Variants in ARFGEF1 observed in about 807,000 individuals in gnomAD.
The protein encoded by ARFGEF1 is ARF guanine nucleotide exchange factor 1, also known as brefeldin A-inhibited guanine nucleotide-exchange protein 1.
ARFGEF1 carries 42 observed loss-of-function variants against 231.0 expected under a neutral mutation model. The observed-to-expected ratio is 0.18, with a 90% confidence interval of 0.14 to 0.24. ARFGEF1 has a LOEUF of 0.24. Ranked by LOEUF, ARFGEF1 falls within the 10% of genes least tolerant of loss-of-function variation. The probability of loss-of-function intolerance (pLI) is 1.00; values close to 1 mark genes in which losing one functional copy is unlikely to be tolerated. For synonymous variants in ARFGEF1, 710 were observed against 732.3 expected (o/e 0.97, Z 0.49); for missense variants, 1,345 against 2,192.0 (o/e 0.61, Z 7.72).
intron 13 of ARFGEF1, 121 bp downstream of exon 13, chr8:67,266,755 T>C: frequency 1.6e-6 from 1 of 640,222 alleles, no homozygotes. Flanking sequence ...ACAGAGAATG[T>C]TTCCTCATCA....
chr8:67,343,088 A>AGCC, intron 1 of ARFGEF1, 76 bp downstream of exon 1: 138 of 399,034 alleles, frequency 3.5e-4, no homozygotes, highest in Non-Finnish European at 5.6e-4. Flanking sequence ...GCCCCGGGCG[A>AGCC]CCCCACCCCC....
At chr8:67,244,206 G>A (rs1351565318) in intron 19 of ARFGEF1, among the ~76,000 whole-genome samples, 2 of 119,638 alleles carry the variant, frequency 1.7e-5, no homozygotes, top group Non-Finnish European at 3.2e-5. Context: ...TCATGCCACT[G>A]CACTCCAGCC....
intron 33 of ARFGEF1, 43 bp downstream of exon 33, chr8:67,216,547 C>G (rs1281308427): frequency 6.6e-7 from 1 of 1,514,654 alleles, no homozygotes; most frequent in Non-Finnish European, 8.9e-7. Context: ...AATTACTCAT[C>G]ACAAATAACT....
chr8:67,260,009 A>C (rs766781652), intron 14 of ARFGEF1, 83 bp from the exon 15 acceptor site: 15 of 803,388 alleles, frequency 1.9e-5, no homozygotes, highest in Non-Finnish European at 3.0e-5. Flanking sequence ...TAAATTTTCT[A>C]ATAGCACCCA....
chr8:67,217,684 G>A, intron 32 of ARFGEF1, 98 bp downstream of exon 32: 3 of 1,276,490 alleles, frequency 2.4e-6, no homozygotes, highest in South Asian at 1.4e-5. Flanking sequence ...TTTCTGTTAT[G>A]AGAAATCAGT....
At chr8:67,278,504 C>T (rs569951714) in intron 7 of ARFGEF1, among the ~76,000 whole-genome samples, 11 of 152,292 alleles carry the variant, frequency 7.2e-5, no homozygotes, top group African/African-American at 2.2e-4. Context: ...TCTGGTTCCC[C>T]TACCCAGAAG....
In ARFGEF1 at chr8:67,343,770, T is replaced by C. The variant is rs1808770526; in HGVS notation, c.-483A>G. The C allele has an allele frequency of 4.0e-6, 1 of 247,766 alleles. No individual in the cohort carries two copies. Among genetic ancestry groups the C allele is most frequent in the Non-Finnish European group, 6.5e-6 (1 of 153,770 alleles). 15.3% of individuals were successfully genotyped at this position (247,766 alleles called of 1,614,324 possible). A position where few individuals can be genotyped will look rare whatever the true frequency, so the allele number is the denominator to read the frequency against. ...CCGCCGACCTGCCCCGGCCGCCATGTTGGGAGGAAACGACGCGTCACGCAG... is the reference window on the plus strand; with the variant it reads ...CCGCCGACCTGCCCCGGCCGCCATGCTGGGAGGAAACGACGCGTCACGCAG... On this transcript the variant is annotated 5_prime_UTR_variant, in exon 1 of 39. Transcript: ENST00000262215.
chr8:67,177,966 G>A (rs534199574), intron 5 of ARFGEF1, among the ~76,000 whole-genome samples: 5 of 152,266 alleles, frequency 3.3e-5, no homozygotes, highest in South Asian at 2.1e-4. Flanking sequence ...TTTTAGCTGC[G>A]TGACTTAGGG....
intron 1 of ARFGEF1, among the ~76,000 whole-genome samples, chr8:67,327,918 T>C (rs1233933358): frequency 6.6e-6 from 1 of 152,068 alleles, no homozygotes; most frequent in Non-Finnish European, 1.5e-5. Context: ...ACTACTTGAG[T>C]TATTTTCATT....
At position 67,245,765 on chromosome 8, in the gene ARFGEF1, A is replaced by G. The variant is rs1840086989; in HGVS notation, c.2851-5475T>C. ...GTCTTTATCAATAGTCACACTGAAT[A>G]TACATAGGCTAAACTCTTCAATAAA... is the stretch of plus-strand genomic sequence containing the variant. On this transcript the variant is annotated intron_variant, in intron 19 of 38. Transcript: ENST00000262215. Among the ~76,000 whole-genome samples the G allele has an allele frequency of 1.3e-5, 2 of 150,346 alleles. 1 individual carries two copies. The highest frequency in any genetic ancestry group is 1.3e-4 in the Admixed American group (2 of 15,032).
chr8:67,200,302 T>G lies in ARFGEF1; in HGVS notation c.5385+94A>C, dbSNP rs768147729. 121 of 888,990 alleles carry G rather than the reference T, an allele frequency of 1.4e-4. No homozygotes were observed. The Admixed American group carries it at 2.1e-3, about 15-fold the overall frequency. 55.1% of individuals were successfully genotyped at this position (888,990 alleles called of 1,614,324 possible). On this transcript the variant is annotated intron_variant, in intron 38 of 38. Transcript: ENST00000262215. Reference sequence around the variant, plus strand: ...TGCAGCCTGGGCACTGCTTGATTCATCTCTGAGAGCTCTTGCACGGCGGCT... The same window carrying G: ...TGCAGCCTGGGCACTGCTTGATTCAGCTCTGAGAGCTCTTGCACGGCGGCT...
intron 10 of ARFGEF1, among the ~76,000 whole-genome samples, chr8:67,271,231 A>G (rs1457991440): frequency 6.6e-6 from 1 of 152,044 alleles, no homozygotes; most frequent in African/African-American, 2.4e-5. Flanking sequence ...AGTACAAAGC[A>G]AATATTAATT....
At position 67,272,498 on chromosome 8, in the gene ARFGEF1, C is replaced by G. The variant is rs530755629; in HGVS notation, c.1338-562G>C. Among the ~76,000 whole-genome samples, 68 of 152,074 alleles carry G rather than the reference C, an allele frequency of 4.5e-4. 1 individual carries two copies. In the South Asian group the frequency reaches 8.5e-3, roughly 19 times the overall value. ...TTTTTAAAAAGAAAAAAAAAATTCA[C>G]AAATATTTAACATCAACGTATTGTT... On this transcript the variant is annotated intron_variant, in intron 9 of 38. Transcript: ENST00000262215.
downstream of ARFGEF1, chr8:67,175,441 G>A (rs772586492): frequency 6.2e-7 from 1 of 1,614,050 alleles, no homozygotes; most frequent in Non-Finnish European, 8.5e-7. Flanking sequence ...CCAAAGGTAA[G>A]AAATAATCAT....
chr8:67,195,553 G>A, downstream of ARFGEF1: 10 of 1,614,184 alleles, frequency 6.2e-6, no homozygotes, highest in Middle Eastern at 1.2e-3. Flanking sequence ...GGAAAACCAG[G>A]CACTTTCACT....
chr8:67,230,670 G>C (rs1004360170), intron 23 of ARFGEF1, among the ~76,000 whole-genome samples: 3 of 151,930 alleles, frequency 2.0e-5, no homozygotes, highest in Admixed American at 6.6e-5. Context: ...ACCATAAAGA[G>C]AAAAACTATG....
At chr8:67,267,850 C>A (rs1214151790) in intron 10 of ARFGEF1, among the ~76,000 whole-genome samples, 2 of 152,134 alleles carry the variant, frequency 1.3e-5, no homozygotes, top group African/African-American at 4.8e-5. Flanking sequence ...AGAGGCCTAA[C>A]TGTTCGTAGA....
intron 27 of ARFGEF1, among the ~76,000 whole-genome samples, chr8:67,226,525 T>C (rs777768067): frequency 2.0e-5 from 3 of 152,118 alleles, no homozygotes; most frequent in African/African-American, 4.8e-5. Context: ...AATAATAATA[T>C]ACACAGATAG....
chr8:67,222,184 T>C (rs59197346), intron 29 of ARFGEF1, among the ~76,000 whole-genome samples: 1,480 of 65,638 alleles, frequency 0.023, 23 homozygotes, highest in Middle Eastern at 0.045. Flanking sequence ...TATATACACA[T>C]ATATATATAT....
Sources: gnomAD v4.1 joint callset for allele counts (sites outside exome capture counted in the v4.1 genomes callset) on GRCh38, gnomAD v4.1.1 for gene constraint, MANE v1.5 for transcripts, NCBI Gene and HGNC (gene_info 2026-07-23, HGNC 2026-07-21) for gene names.